The following MYBPC1 variants were observed in gnomAD, a reference collection of about 807,000 sequenced individuals.
MYBPC1 encodes myosin-binding protein C, slow-type.
A neutral mutation model predicts 147.1 loss-of-function variants in MYBPC1; 52 were observed. The ratio of observed to expected loss-of-function variants is 0.35; its 90% confidence interval spans 0.28 to 0.45. The LOEUF (loss-of-function observed/expected upper bound fraction) is 0.45, where lower values mean the gene tolerates loss of function less well. Ranked by LOEUF, MYBPC1 falls within the 20% of genes least tolerant of loss-of-function variation. MYBPC1 has a pLI of 1.00. For missense variants in MYBPC1, 1,228 were observed against 1,440.3 expected (o/e 0.85, Z 2.39); for synonymous variants, 477 against 475.9 (o/e 1.00, Z -0.03).
At chr12:101,604,270 T>G (rs537245303) in intron 1 of MYBPC1, among the ~76,000 whole-genome samples, 1 of 152,076 alleles carries the variant, frequency 6.6e-6, no homozygotes, top group African/African-American at 2.4e-5. Context: ...CTTGCATAAT[T>G]AGAAGGACAA....
intron 28 of MYBPC1, among the ~76,000 whole-genome samples, chr12:101,680,020 G>A (rs940407662): frequency 3.3e-5 from 5 of 152,140 alleles, no homozygotes; most frequent in Admixed American, 3.3e-4. Flanking sequence ...CTGTACATTC[G>A]ATGCCCAGAA....
intron 22 of MYBPC1, among the ~76,000 whole-genome samples, chr12:101,665,054 T>C (rs942307964): frequency 1.3e-5 from 2 of 152,186 alleles, no homozygotes; most frequent in Non-Finnish European, 2.9e-5. Context: ...TTCTTTCTGA[T>C]AGGTTTAAAA....
At chr12:101,648,001 C>T (rs367750851) in intron 13 of MYBPC1, 44 bp from the exon 14 acceptor site, 21 of 1,483,226 alleles carry the variant, frequency 1.4e-5, no homozygotes, top group African/African-American at 1.4e-4. Context: ...ATGGGATAGG[C>T]TTTGGATATT....
rs2136709098 is a variant in MYBPC1 at position 101,673,489 on chromosome 12, A to C, written c.2676A>C (p.Ile892=). Residue 892 remains isoleucine (I), a synonymous_variant, in exon 25 of 32, where the codon ATA becomes ATC. Transcript: ENST00000361466. ...KDGAEIDKNQ[I]NIRNSETDTI... is the part of the protein sequence containing the mutation. The stretch of plus-strand genomic sequence containing the variant: ...GTGCAGAAATTGATAAGAATCAAAT[A>C]AACATTCGCAACTCTGAGACTGATA... The C allele has an allele frequency of 1.2e-6, 2 of 1,614,030 alleles. No homozygotes were observed. The highest frequency in any genetic ancestry group is 1.7e-6 in the Non-Finnish European group (2 of 1,180,010).
intron 18 of MYBPC1, among the ~76,000 whole-genome samples, chr12:101,654,516 G>C (rs975507446): frequency 1.3e-5 from 2 of 152,126 alleles, no homozygotes; most frequent in Admixed American, 6.5e-5. Flanking sequence ...GACTCCCTAA[G>C]TTTAGGACTC....
chr12:101,675,164 A>G, intron 25 of MYBPC1, 128 bp from the exon 26 acceptor site: 4 of 1,296,328 alleles, frequency 3.1e-6, no homozygotes, highest in East Asian at 2.5e-5. Context: ...AGAAGCCCCC[A>G]TGGTAGGGTC....
At chr12:101,684,003 T>C (rs2136947735) in intron 30 of MYBPC1, among the ~76,000 whole-genome samples, 1 of 152,318 alleles carries the variant, frequency 6.6e-6, no homozygotes, top group African/African-American at 2.4e-5. Flanking sequence ...CTATTGTCTA[T>C]GTTTTTCTTT....
At chr12:101,672,185 AC>A (rs1332108171) in intron 24 of MYBPC1, among the ~76,000 whole-genome samples, 3 of 152,210 alleles carry the variant, frequency 2.0e-5, no homozygotes, top group African/African-American at 7.2e-5. Flanking sequence ...ATCTTCAACA[AC>A]GTCGTTCTCT....
intron 7 of MYBPC1, 24 bp from the exon 8 acceptor site, chr12:101,631,997 G>T (rs952619530): frequency 1.3e-6 from 2 of 1,530,390 alleles, no homozygotes; most frequent in African/African-American, 2.7e-5. Flanking sequence ...TGAAATGTGT[G>T]TGTCTGGATG....
intron 29 of MYBPC1, 118 bp from the exon 30 acceptor site, chr12:101,682,486 T>C (rs1032053794): frequency 6.6e-6 from 6 of 915,774 alleles, no homozygotes; most frequent in Non-Finnish European, 8.6e-6. Flanking sequence ...GCTGAAATTG[T>C]TTATCATCAG....
intron 1 of MYBPC1, among the ~76,000 whole-genome samples, chr12:101,609,179 C>G (rs903914516): frequency 6.6e-6 from 1 of 152,026 alleles, no homozygotes. Context: ...GGGAGTGGAA[C>G]GGGTGATATT....
At chr12:101,620,364 G>A (rs781432702) in intron 3 of MYBPC1, among the ~76,000 whole-genome samples, 10 of 152,134 alleles carry the variant, frequency 6.6e-5, no homozygotes, top group Admixed American at 3.9e-4. Context: ...CCAAAGATTC[G>A]CCTTTTATTC....
chr12:101,663,484 G>A lies in MYBPC1; in HGVS notation c.2280G>A (p.Thr760=), dbSNP rs150054184. 6 of 1,613,898 alleles carry A rather than the reference G, an allele frequency of 3.7e-6. No individual in the cohort carries two copies. The highest frequency in any genetic ancestry group is 2.2e-5 in the East Asian group (1 of 44,894). The part of the protein sequence containing the change: ...TVDSVTDTTV[T]MRWRPPDHIG... The stretch of plus-strand genomic sequence containing the variant: ...ACTCTGTCACTGACACGACTGTCAC[G>A]ATGAGGTGGCGCCCCCCAGACCACA... Residue 760 remains threonine, a synonymous_variant, in exon 22 of 32, where the codon ACG becomes ACA. Transcript: ENST00000361466.
chr12:101,627,442 C>T (rs763691200), intron 4 of MYBPC1, among the ~76,000 whole-genome samples: 1 of 152,038 alleles, frequency 6.6e-6, no homozygotes, highest in African/African-American at 2.4e-5. Context: ...GGAGTTTCAC[C>T]ATGTTGGCCA....
intron 28 of MYBPC1, 101 bp from the exon 29 acceptor site, chr12:101,680,242 T>C: frequency 8.4e-7 from 1 of 1,184,674 alleles, no homozygotes; most frequent in Non-Finnish European, 1.2e-6. Flanking sequence ...TGCACTTTCT[T>C]TTTAAGCCAT....
intron 25 of MYBPC1, 98 bp from the exon 26 acceptor site, chr12:101,675,194 G>A: frequency 6.7e-7 from 1 of 1,496,076 alleles, no homozygotes; most frequent in Non-Finnish European, 9.2e-7. Context: ...GATGCCTCCT[G>A]TAACAGAGGA....
chr12:101,629,713 A>C (rs2136029383), intron 6 of MYBPC1, among the ~76,000 whole-genome samples, 169 bp downstream of exon 6: 1 of 152,170 alleles, frequency 6.6e-6, no homozygotes, highest in Non-Finnish European at 1.5e-5. Flanking sequence ...TCCCTACTAA[A>C]AATACAAAAA....
intron 3 of MYBPC1, among the ~76,000 whole-genome samples, chr12:101,624,596 T>G (rs1888124971): frequency 6.8e-6 from 1 of 146,000 alleles, no homozygotes; most frequent in Admixed American, 6.8e-5. Context: ...CAAGTAACTC[T>G]CTAGCCTCAG....
intron 22 of MYBPC1, among the ~76,000 whole-genome samples, chr12:101,665,041 CT>C (rs1415411950): frequency 6.6e-6 from 1 of 152,032 alleles, no homozygotes; most frequent in Non-Finnish European, 1.5e-5. Flanking sequence ...ATTCTTTACT[CT>C]TTTCTTTCTG....
Sources: allele counts gnomAD v4.1 joint callset (sites outside exome capture counted in the v4.1 genomes callset), GRCh38; gene constraint gnomAD v4.1.1; transcripts MANE v1.5; gene names NCBI Gene and HGNC (gene_info 2026-07-23, HGNC 2026-07-21).